ZC3H12B: variants seen among roughly 807,000 people sequenced by gnomAD.
ZC3H12B encodes the protein zinc finger CCCH-type containing 12B.
ZC3H12B carries 7 observed loss-of-function variants against 43.9 expected under a neutral mutation model. The ratio of observed to expected loss-of-function variants is 0.16; its 90% CI spans 0.09 to 0.30. The LOEUF is 0.30. ZC3H12B is among the 10% of genes least tolerant of loss of function. The pLI is 1.00. For synonymous variants in ZC3H12B, 222 were observed against 241.7 expected (o/e 0.92, Z 0.76); for missense variants, 475 against 670.2 (o/e 0.71, Z 3.22).
At chrX:65,123,207 T>C in the ZC3H12B span, among the ~76,000 whole-genome samples, 4 of 111,935 alleles carry the variant, frequency 3.6e-5, no homozygotes, top group Non-Finnish European at 7.5e-5. Context: ...GTCTTGGTTC[T>C]GTTTATTTGA....
chrX:65,228,052 A>G, the ZC3H12B span, among the ~76,000 whole-genome samples: 1 of 111,778 alleles, frequency 8.9e-6, no homozygotes, highest in Admixed American at 9.5e-5. Flanking sequence ...CATCATCTTG[A>G]TACTAAAGCC....
At chrX:65,421,937 G>A (rs1278099129) in intron 3 of ZC3H12B, among the ~76,000 whole-genome samples, 8 of 96,823 alleles carry the variant, frequency 8.3e-5, no homozygotes, top group African/African-American at 2.6e-4. Flanking sequence ...GACAGAGCGA[G>A]ACTCCATCTC....
chrX:65,162,200 T>A, the ZC3H12B span, among the ~76,000 whole-genome samples: 1 of 111,348 alleles, frequency 9.0e-6, no homozygotes, highest in Non-Finnish European at 1.9e-5. Flanking sequence ...GCCCTTAACA[T>A]TTTTTCCTTC....
the ZC3H12B span, among the ~76,000 whole-genome samples, chrX:65,225,118 G>A: frequency 5.4e-5 from 6 of 111,711 alleles, no homozygotes; most frequent in Middle Eastern, 4.6e-3. Flanking sequence ...TAACTGGGAG[G>A]CACCCCCCAG....
At chrX:65,059,134 C>T in the ZC3H12B span, among the ~76,000 whole-genome samples, 5 of 110,511 alleles carry the variant, frequency 4.5e-5, no homozygotes, top group Non-Finnish European at 9.5e-5. Context: ...TACCTCAGTT[C>T]ACAATGCAGA....
intron 3 of ZC3H12B, among the ~76,000 whole-genome samples, chrX:65,442,308 G>C (rs759163922): frequency 7.2e-5 from 8 of 110,555 alleles, no homozygotes; most frequent in African/African-American, 2.6e-4. Context: ...ATTCTGAGCA[G>C]CCGAATCTGA....
intron 3 of ZC3H12B, among the ~76,000 whole-genome samples, chrX:65,465,380 T>C (rs189605659): frequency 3.5e-3 from 393 of 111,436 alleles, no homozygotes; most frequent in African/African-American, 0.012. Flanking sequence ...GTAACATTTT[T>C]TTCTCAAAGT....
At chrX:65,398,885 G>T (rs1431468609) in intron 3 of ZC3H12B, among the ~76,000 whole-genome samples, 181 bp downstream of exon 5, 1 of 111,736 alleles carries the variant, frequency 8.9e-6, no homozygotes, top group Non-Finnish European at 1.9e-5. Context: ...ACCTGCAGTG[G>T]ACTCATTTTT....
At chrX:65,458,084 TTA>T (rs2067660203) in intron 3 of ZC3H12B, among the ~76,000 whole-genome samples, 3 of 48,979 alleles carry the variant, frequency 6.1e-5, no homozygotes, top group Non-Finnish European at 1.1e-4. Flanking sequence ...AAAAAAAAAA[TTA>T]AAAAAAAAAA....
At chrX:65,247,115 C>A in the ZC3H12B span, among the ~76,000 whole-genome samples, 4 of 111,511 alleles carry the variant, frequency 3.6e-5, no homozygotes, top group Non-Finnish European at 7.6e-5. Context: ...TCAATACATG[C>A]GACCATCAAT....
At chrX:65,095,232 C>T in the ZC3H12B span, among the ~76,000 whole-genome samples, 1 of 111,421 alleles carries the variant, frequency 9.0e-6, no homozygotes, top group South Asian at 3.7e-4. Flanking sequence ...CTCAGTGGAT[C>T]AATACAGATG....
At chrX:65,128,530 GT>G in the ZC3H12B span, among the ~76,000 whole-genome samples, 5 of 111,749 alleles carry the variant, frequency 4.5e-5, no homozygotes, top group Admixed American at 9.5e-5. Context: ...TGTGTATTCT[GT>G]TTTGGAGTGG....
At chrX:65,259,862 A>T in the ZC3H12B span, among the ~76,000 whole-genome samples, 1 of 112,190 alleles carries the variant, frequency 8.9e-6, no homozygotes, top group Non-Finnish European at 1.9e-5. Context: ...AAAATGTGGT[A>T]TATATACACA....
chrX:65,216,964 A>C, the ZC3H12B span, among the ~76,000 whole-genome samples: 1 of 111,529 alleles, frequency 9.0e-6, no homozygotes, highest in African/African-American at 3.3e-5. Flanking sequence ...AGTAGCAGCC[A>C]CAGGCCTTAG....
At chrX:65,197,598 G>T in the ZC3H12B span, among the ~76,000 whole-genome samples, 1 of 111,922 alleles carries the variant, frequency 8.9e-6, no homozygotes, top group Non-Finnish European at 1.9e-5. Context: ...TCATTTTATG[G>T]GTGATATTCT....
the ZC3H12B span, among the ~76,000 whole-genome samples, chrX:65,190,864 C>T: frequency 9.4e-6 from 1 of 106,010 alleles, no homozygotes; most frequent in Non-Finnish European, 1.9e-5. Context: ...AGAGGGCACC[C>T]CTGTCTTGTG....
intron 4 of ZC3H12B, among the ~76,000 whole-genome samples, chrX:65,500,625 C>T (rs370263487): frequency 9.0e-6 from 1 of 111,102 alleles, no homozygotes. Flanking sequence ...ACGGGGGTTT[C>T]ACCATGTTGG....
intron 3 of ZC3H12B, among the ~76,000 whole-genome samples, chrX:65,443,166 C>T (rs900330743): frequency 1.8e-5 from 2 of 111,408 alleles, no homozygotes; most frequent in Non-Finnish European, 3.8e-5. Flanking sequence ...CAAGGTGAAA[C>T]GAACCAGACC....
chrX:65,154,845 A>G, the ZC3H12B span, among the ~76,000 whole-genome samples: 6 of 112,275 alleles, frequency 5.3e-5, no homozygotes, highest in South Asian at 1.5e-3. Flanking sequence ...CCTGTCTAAT[A>G]AATTAATTAA....
Sources: allele counts gnomAD v4.1 joint callset (sites outside exome capture counted in the v4.1 genomes callset), GRCh38; gene constraint gnomAD v4.1.1; transcripts MANE v1.5; gene names NCBI Gene and HGNC (gene_info 2026-07-23, HGNC 2026-07-21).